The following C18orf63 variants were observed in gnomAD, a reference collection of about 807,000 sequenced individuals.
C18orf63 encodes chromosome 18 open reading frame 63, also known as uncharacterized protein C18orf63.
In C18orf63, 50 loss-of-function variants were observed where a neutral mutation model predicts 75.3. The observed-to-expected ratio is 0.66, with a 90% CI of 0.53 to 0.84. The LOEUF (loss-of-function observed/expected upper bound fraction) is 0.84, where lower values mean the gene tolerates loss of function less well. Among genes scored for constraint, C18orf63 ranks in the 40% least tolerant of loss-of-function variants. The probability of loss-of-function intolerance (pLI) is 0.00; values close to 1 mark genes in which losing one functional copy is unlikely to be tolerated. For missense variants in C18orf63, 732 were observed against 800.2 expected, an observed-to-expected ratio of 0.91 and a Z score of 1.03; for synonymous variants, 232 against 267.6, an observed-to-expected ratio of 0.87 and a Z score of 1.30.
rs1454562502 is a variant in C18orf63, at chr18:74,358,053, G to A, written c.*1606G>A. On this transcript the variant is annotated 3_prime_UTR_variant, in exon 14 of 14. Coordinates refer to ENST00000579455, the MANE Select transcript of C18orf63 (RefSeq NM_001174123.2). ...CCATACATTCCCAGGCCACCTTCCT[G>A]CTACTGCCCAGTCACTATGCCTCAG... is the stretch of plus-strand genomic sequence containing the variant. 6.6e-6 allele frequency: 1 copy of A among 152,116 alleles called. No individual in the cohort carries two copies. The highest frequency in any genetic ancestry group is 2.4e-5 in the African/African-American group (1 of 41,412). The allele number at this position is 152,116 out of a possible 1,614,324, so 9.4% of individuals were successfully genotyped here.
chr18:74,334,965 T>A (rs1984367616), intron 7 of C18orf63, among the ~76,000 whole-genome samples: 1 of 152,190 alleles, frequency 6.6e-6, no homozygotes, highest in Non-Finnish European at 1.5e-5. Flanking sequence ...GTAATTCCCT[T>A]TCTTCTGCTC....
In C18orf63 at chr18:74,357,333, C is replaced by A. The variant is rs920147033; in HGVS notation, c.*886C>A. On this transcript the variant is annotated 3_prime_UTR_variant, in exon 14 of 14. Transcript: ENST00000579455. Reference sequence around the variant, plus strand: ...ATTCATTCTGGGTTCCTGGCACAGACTTAGGGATATGTATGTATTGAAGCA... The same window carrying A: ...ATTCATTCTGGGTTCCTGGCACAGAATTAGGGATATGTATGTATTGAAGCA... The A allele has an allele frequency of 3.3e-5, 5 of 152,014 alleles. No homozygotes were observed. Among genetic ancestry groups the A allele is most frequent in the African/African-American group, 1.2e-4 (5 of 41,380 alleles). 9.4% of individuals were successfully genotyped at this position (152,014 alleles called of 1,614,324 possible). A position where few individuals can be genotyped will look rare whatever the true frequency, so the allele number is the denominator to read the frequency against.
intron 11 of C18orf63, among the ~76,000 whole-genome samples, chr18:74,347,255 A>G (rs1430995345): frequency 6.6e-6 from 1 of 152,132 alleles, no homozygotes; most frequent in African/African-American, 2.4e-5. Context: ...TTTGTTAGGG[A>G]CTGCCCTTGG....
chr18:74,343,730 C>A, intron 11 of C18orf63, 28 bp downstream of exon 11: 1 of 1,360,256 alleles, frequency 7.4e-7, no homozygotes, highest in Non-Finnish European at 9.7e-7. Flanking sequence ...CTATCTAGTT[C>A]TCCAAGACAT....
chr18:74,317,205 C>G lies in C18orf63; in HGVS notation c.-32-629C>G, dbSNP rs1205566236. Among the ~76,000 whole-genome samples the G allele has an allele frequency of 2.6e-5, 4 of 152,326 alleles. No individual in the cohort carries two copies. In the East Asian group the frequency reaches 7.7e-4, roughly 29 times the overall value. On this transcript the variant is annotated intron_variant, in intron 1 of 13. Transcript: ENST00000579455. ...ATTTGTGCATGTTAGTGTACTGAAG[C>G]TTCACTGGGTTGCTTTACTTTTATA... is the stretch of plus-strand genomic sequence containing the variant.
At position 74,353,733 on chromosome 18, in the gene C18orf63, A is replaced by G; in HGVS notation, c.1466A>G (p.Asn489Ser). The G allele has an allele frequency of 6.5e-7, 1 of 1,536,060 alleles. No individual in the cohort carries two copies. Among genetic ancestry groups the G allele is most frequent in the East Asian group, 2.4e-5 (1 of 40,898 alleles). Reference protein sequence around the residue: ...DKLNLGPAIKNRYSSNIQMQA... With the variant: ...DKLNLGPAIKSRYSSNIQMQA... ...CTGAATTTAGGTCCAGCTATAAAAA[A>G]CCGTTATAGTAGTAACATTCAGATG... is the stretch of plus-strand genomic sequence containing the variant. The change falls in exon 12 of 14, where the codon AAC (asparagine) becomes AGC (serine). Residue 489 changes from asparagine to serine, a missense_variant. By Grantham distance (46) the Asn-to-Ser change is conservative. Around this residue, in one of 3 missense-constraint regions of C18orf63, gnomAD observed 495 missense variants for 508.7 expected, o/e 0.97. Coordinates refer to ENST00000579455, the MANE Select transcript of C18orf63 (RefSeq NM_001174123.2).
chr18:74,357,902 A>C lies in C18orf63; in HGVS notation c.*1455A>C, dbSNP rs552504036. On this transcript the variant is annotated 3_prime_UTR_variant, in exon 14 of 14. Coordinates refer to ENST00000579455, the MANE Select transcript of C18orf63 (RefSeq NM_001174123.2). The stretch of plus-strand genomic sequence containing the variant: ...TATTATAGATATCTAGTAGACTGTT[A>C]TAAAGAGTGGTATGTCATTTTGTTT... 1.3e-5 allele frequency: 2 copies of C among 152,234 alleles called. No individual in the cohort carries two copies. Among genetic ancestry groups the C allele is most frequent in the African/African-American group, 4.8e-5 (2 of 41,546 alleles). 9.4% of individuals were successfully genotyped at this position (152,234 alleles called of 1,614,324 possible).
At position 74,357,647 on chromosome 18, in the gene C18orf63, AC is replaced by A. The variant is rs1232972755; in HGVS notation, c.*1201del. The A allele has an allele frequency of 6.7e-6, 1 of 150,194 alleles. No homozygotes were observed. The highest frequency in any genetic ancestry group is 6.7e-5 in the Admixed American group (1 of 14,934). The allele number at this position is 150,194 out of a possible 1,614,324, so 9.3% of individuals were successfully genotyped here. On this transcript the variant is annotated 3_prime_UTR_variant, in exon 14 of 14. Transcript: ENST00000579455. ...TGTGATTTATTGTCTCCACCACTTTACTAAACCATTGCAATTAAAAGCAAAA... is the reference window on the plus strand; with the variant it reads ...TGTGATTTATTGTCTCCACCACTTTATAAACCATTGCAATTAAAAGCAAAA...
intron 7 of C18orf63, among the ~76,000 whole-genome samples, chr18:74,337,701 C>T (rs770470707): frequency 6.6e-6 from 1 of 152,102 alleles, no homozygotes; most frequent in East Asian, 1.9e-4. Context: ...ATTCATTCTG[C>T]GTGTCCTTGC....
At position 74,353,546 on chromosome 18, in the gene C18orf63, T is replaced by C. The variant is rs1266041796; in HGVS notation, c.1279T>C (p.Ser427Pro). The change falls in exon 12 of 14, where the codon TCC becomes CCC. Residue 427 changes from serine (S) to proline (P), a missense_variant. Physicochemically the swap from Ser to Pro is moderately conservative, Grantham distance 74. Transcript: ENST00000579455. ...NTQVQHTNLS[S>P]QSNITPKFVP... ...TCAAGTTCAGCACACAAATCTTAGC[T>C]CCCAAAGCAACATCACCCCTAAGTT... The C allele has an allele frequency of 1.3e-6, 2 of 1,536,552 alleles. No homozygotes were observed. Among genetic ancestry groups the C allele is most frequent in the Admixed American group, 2.0e-5 (1 of 50,994 alleles).
chr18:74,325,025 C>T (rs1984185529), intron 4 of C18orf63, among the ~76,000 whole-genome samples: 1 of 152,138 alleles, frequency 6.6e-6, no homozygotes, highest in African/African-American at 2.4e-5. Flanking sequence ...ACATCTGTAA[C>T]ATGTCAAGCA....
At chr18:74,320,423 C>A in intron 2 of C18orf63, 90 bp from the exon 3 acceptor site, 1 of 862,016 alleles carries the variant, frequency 1.2e-6, no homozygotes, top group Non-Finnish European at 1.8e-6. Flanking sequence ...CCCTTGCCAA[C>A]ACTGGGGATT....
chr18:74,351,236 T>C lies in C18orf63; in HGVS notation c.979-2010T>C, dbSNP rs897039306. Among the ~76,000 whole-genome samples, 15 of 152,334 alleles carry C rather than the reference T, an allele frequency of 9.8e-5. 1 individual carries two copies. Among genetic ancestry groups the C allele is most frequent in the African/African-American group, 1.4e-4 (6 of 41,576 alleles). Reference sequence around the variant, plus strand: ...ACATGGAAGGAGGAGTATTGTCCTCTATAATGACTTTCTATTATGTCAACT... The same window carrying C: ...ACATGGAAGGAGGAGTATTGTCCTCCATAATGACTTTCTATTATGTCAACT... On this transcript the variant is annotated intron_variant, in intron 11 of 13. Coordinates refer to ENST00000579455, the MANE Select transcript of C18orf63 (RefSeq NM_001174123.2).
At chr18:74,331,037 C>T (rs1984296360) in intron 7 of C18orf63, 95 bp downstream of exon 7, 1 of 448,754 alleles carries the variant, frequency 2.2e-6, no homozygotes. Context: ...TAATTTTTAA[C>T]ATAAAGCGTG....
At chr18:74,346,955 C>T (rs1282995250) in intron 11 of C18orf63, among the ~76,000 whole-genome samples, 2 of 152,182 alleles carry the variant, frequency 1.3e-5, no homozygotes, top group African/African-American at 4.8e-5. Flanking sequence ...AATAATTTAA[C>T]CAAAGCCACA....
At position 74,353,309 on chromosome 18, in the gene C18orf63, G is replaced by A. The variant is rs138122725; in HGVS notation, c.1042G>A (p.Ala348Thr). ...AATGCTTAGGGCATCTCTGACTCAA[G>A]CCACTTCCAGAAAGCCTGCCTGTGC... Reference protein sequence around the residue: ...KKMLRASLTQATSRKPACAQS... With the variant: ...KKMLRASLTQTTSRKPACAQS... Residue 348 changes from alanine to threonine, a missense_variant, in exon 12 of 14, where the codon GCC becomes ACC. Physicochemically the swap from Ala to Thr is moderately conservative, Grantham distance 58. This residue lies in a region of C18orf63 where 495 missense variants were observed against 508.7 expected (regional missense o/e 0.97). Coordinates refer to ENST00000579455, the MANE Select transcript of C18orf63 (RefSeq NM_001174123.2). 3.5e-4 allele frequency: 535 copies of A among 1,536,380 alleles called. No individual in the cohort carries two copies. Among genetic ancestry groups the A allele is most frequent in the Non-Finnish European group, 4.2e-4 (483 of 1,146,970 alleles).
At chr18:74,342,213 T>C in intron 9 of C18orf63, 28 bp from the exon 10 acceptor site, 1 of 1,469,838 alleles carries the variant, frequency 6.8e-7, no homozygotes. Context: ...TTCTCCAAGA[T>C]ATTTAAAATT....
chr18:74,338,646 G>A, intron 7 of C18orf63, 69 bp from the exon 8 acceptor site: 2 of 595,324 alleles, frequency 3.4e-6, no homozygotes, highest in Non-Finnish European at 5.3e-6. Flanking sequence ...TAACAAATAT[G>A]TATCTTTTAA....
In C18orf63 at chr18:74,329,042, TA is replaced by T; in HGVS notation, c.424+11del. The T allele has an allele frequency of 1.4e-6, 2 of 1,468,944 alleles. No homozygotes were observed. Among genetic ancestry groups the T allele is most frequent in the Non-Finnish European group, 1.8e-6 (2 of 1,086,022 alleles). The allele number at this position is 1,468,944 out of a possible 1,614,324, so 91.0% of individuals were successfully genotyped here. On this transcript the variant is annotated splice_region_variant and intron_variant, in intron 6 of 13. Coordinates refer to ENST00000579455, the MANE Select transcript of C18orf63 (RefSeq NM_001174123.2). ...GGGAAAACAAAGTGCTGTTGGTAAG[TA>T]AAAATGCATAAGTCAATAGATAAAA... is the stretch of plus-strand genomic sequence containing the variant.
Sources: allele counts gnomAD v4.1 joint callset (sites outside exome capture counted in the v4.1 genomes callset), GRCh38; gene constraint gnomAD v4.1.1; regional missense constraint gnomAD v4.1.1; transcripts MANE v1.5; gene names NCBI Gene and HGNC (gene_info 2026-07-23, HGNC 2026-07-21).